AMMECR1: variants seen among roughly 807,000 people sequenced by gnomAD.
The protein encoded by AMMECR1 is AMMECR nuclear protein 1.
In AMMECR1, 3 loss-of-function variants were observed where a neutral mutation model predicts 22.5. That is an observed-to-expected ratio of 0.13 (90% CI 0.06 to 0.35). The LOEUF (loss-of-function observed/expected upper bound fraction) is 0.35, where lower values mean the gene tolerates loss of function less well. Among genes scored for constraint, AMMECR1 ranks in the 10% least tolerant of loss-of-function variants. The probability of loss-of-function intolerance (pLI) is 1.00; values close to 1 mark genes in which losing one functional copy is unlikely to be tolerated. For missense variants in AMMECR1, 235 were observed against 278.7 expected, an observed-to-expected ratio of 0.84 and a Z score of 1.12; for synonymous variants, 130 against 116.7, an observed-to-expected ratio of 1.11 and a Z score of -0.74.
chrX:110,363,321 T>C (rs1324477393), intron 2 of AMMECR1, among the ~76,000 whole-genome samples: 6 of 111,926 alleles, frequency 5.4e-5, no homozygotes, highest in African/African-American at 1.6e-4. Context: ...GGCCACCAAC[T>C]CTAGAATTAA....
intron 2 of AMMECR1, chrX:110,219,386 A>G (rs1027976377): frequency 2.7e-6 from 2 of 752,200 alleles, no homozygotes; most frequent in African/African-American, 4.6e-5. Flanking sequence ...TTTCATTTTA[A>G]AAATACACAT....
chrX:110,200,980 T>A lies in AMMECR1; in HGVS notation c.861A>T (p.Glu287Asp), dbSNP rs1160009207. 8.3e-7 allele frequency: 1 copy of A among 1,206,794 alleles called. No homozygotes were observed. Among genetic ancestry groups the A allele is most frequent in the Non-Finnish European group, 1.1e-6 (1 of 892,387 alleles). ...TGGTCAGTTTTATGGTTTTCCTGAA[T>A]TCATTAGTAATCGGAGCTTTGTATC... is the stretch of plus-strand genomic sequence containing the variant. ...KGGYKAPITNEFRKTIKLTRY... is the reference protein window; with the variant it reads ...KGGYKAPITNDFRKTIKLTRY... Residue 287 changes from glutamate (E) to aspartate (D), a missense_variant, in exon 5 of 6, where the codon GAA (glutamate) becomes GAT (aspartate). Transcript: ENST00000262844.
At chrX:110,271,244 C>A (rs180744504) in intron 1 of AMMECR1, among the ~76,000 whole-genome samples, 3 of 112,219 alleles carry the variant, frequency 2.7e-5, no homozygotes, top group Non-Finnish European at 5.6e-5. Flanking sequence ...GTATAGGAGA[C>A]CACAAATATC....
chrX:110,222,459 G>GA (rs1287826248), intron 2 of AMMECR1, among the ~76,000 whole-genome samples: 1 of 72,852 alleles, frequency 1.4e-5, no homozygotes, highest in Non-Finnish European at 2.5e-5. Context: ...GGTCGGGGGA[G>GA]GGGGGAGGGA....
At chrX:110,244,382 T>TTC (rs914189201) in intron 2 of AMMECR1, among the ~76,000 whole-genome samples, 1 of 111,652 alleles carries the variant, frequency 9.0e-6, no homozygotes, top group Non-Finnish European at 1.9e-5. Context: ...TCATATATAT[T>TTC]TCTCTGTCTC....
chrX:110,400,309 A>G (rs779061967), intron 2 of AMMECR1, among the ~76,000 whole-genome samples: 1 of 107,018 alleles, frequency 9.3e-6, no homozygotes, highest in Non-Finnish European at 1.9e-5. Flanking sequence ...TTATTTATCT[A>G]CCTATATTCA....
upstream of AMMECR1, among the ~76,000 whole-genome samples, chrX:110,319,851 C>A (rs900325292): frequency 7.1e-5 from 8 of 111,943 alleles, no homozygotes; most frequent in African/African-American, 2.3e-4. Context: ...TATATGATAA[C>A]AAGGCTAAGG....
chrX:110,313,702 GACCTAAAATCAT>G lies in AMMECR1; in HGVS notation c.473+3885_473+3896del, dbSNP rs1269367137. Among the ~76,000 whole-genome samples, 23 of 110,959 alleles carry G rather than the reference GACCTAAAATCAT, an allele frequency of 2.1e-4. No individual in the cohort carries two copies. In the East Asian group the frequency reaches 6.2e-3, roughly 30 times the overall value. ...TTACATTTAACAATTTCTGAAAAAG[GACCTAAAATCAT>G]ACCACAGGTTTCCAAGAGTCACCCT... On this transcript the variant is annotated intron_variant, in intron 1 of 5. Coordinates refer to ENST00000262844, the MANE Select transcript of AMMECR1 (RefSeq NM_015365.3).
chrX:110,272,207 C>A (rs2067802760), intron 1 of AMMECR1, among the ~76,000 whole-genome samples: 1 of 110,370 alleles, frequency 9.1e-6, no homozygotes, highest in African/African-American at 3.3e-5. Context: ...CAGAGCAAGA[C>A]TCCATCTCAA....
rs747846216 is a variant in AMMECR1, at chrX:110,317,855, G to T, written c.217C>A (p.Pro73Thr). 6.0e-6 allele frequency: 7 copies of T among 1,175,643 alleles called. No homozygotes were observed. Among genetic ancestry groups the T allele is most frequent in the Middle Eastern group, 4.8e-4 (2 of 4,179 alleles). ...CCGCCGCCGCCGCCGCAGCCCTGGGGGGGAGAGAGGGTACAGCCGCTGCCG... is the reference window on the plus strand; with the variant it reads ...CCGCCGCCGCCGCCGCAGCCCTGGGTGGGAGAGAGGGTACAGCCGCTGCCG... ...GSGSGCTLSP[P>T]QGCGGGGGGI... The change falls in exon 1 of 6, where the codon CCC (proline) becomes ACC (threonine). Residue 73 changes from proline (P) to threonine (T), a missense_variant. Coordinates refer to ENST00000262844, the MANE Select transcript of AMMECR1 (RefSeq NM_015365.3).
chrX:110,397,974 A>G (rs1380405209), intron 2 of AMMECR1, among the ~76,000 whole-genome samples: 1 of 112,277 alleles, frequency 8.9e-6, no homozygotes, highest in Non-Finnish European at 1.9e-5. Context: ...TGGAGCACGA[A>G]CCCGCTTCCT....
chrX:110,227,430 C>G (rs966932129), intron 2 of AMMECR1, among the ~76,000 whole-genome samples: 1 of 112,008 alleles, frequency 8.9e-6, no homozygotes, highest in Non-Finnish European at 1.9e-5. Flanking sequence ...TGAAGTCAAA[C>G]TTAAAGATGA....
At chrX:110,389,511 T>A (rs1248487618) in intron 2 of AMMECR1, among the ~76,000 whole-genome samples, 1 of 112,327 alleles carries the variant, frequency 8.9e-6, no homozygotes, top group Non-Finnish European at 1.9e-5. Flanking sequence ...CCTTTGCAAA[T>A]GGTAGCAGCC....
chrX:110,402,224 C>A (rs1040025000), intron 2 of AMMECR1, among the ~76,000 whole-genome samples: 7 of 113,131 alleles, frequency 6.2e-5, no homozygotes, highest in Non-Finnish European at 1.3e-4. Flanking sequence ...GCTGCCTTGG[C>A]AGCCCTACAT....
At chrX:110,301,715 A>G (rs1166647530) in intron 1 of AMMECR1, among the ~76,000 whole-genome samples, 1 of 111,505 alleles carries the variant, frequency 9.0e-6, no homozygotes, top group Non-Finnish European at 1.9e-5. Flanking sequence ...AGCTGGCACT[A>G]TAGGAAGCTT....
At chrX:110,277,471 G>T (rs2067831985) in intron 1 of AMMECR1, among the ~76,000 whole-genome samples, 1 of 110,554 alleles carries the variant, frequency 9.0e-6, no homozygotes, top group Non-Finnish European at 1.9e-5. Flanking sequence ...TAATGTAAAT[G>T]ACAAGTTAAT....
chrX:110,338,023 T>C (rs1453149321), intron 2 of AMMECR1, among the ~76,000 whole-genome samples: 1 of 111,655 alleles, frequency 9.0e-6, no homozygotes, highest in South Asian at 3.7e-4. Flanking sequence ...GTCAAAATCA[T>C]AGAGACAGAA....
At chrX:110,351,127 A>G (rs776760836) in intron 2 of AMMECR1, among the ~76,000 whole-genome samples, 1 of 112,454 alleles carries the variant, frequency 8.9e-6, no homozygotes, top group South Asian at 3.7e-4. Flanking sequence ...AAGAAATTCC[A>G]TGTTCGTGGT....
chrX:110,339,973 TACACACACACAC>T (rs35459612), intron 2 of AMMECR1, among the ~76,000 whole-genome samples: 20 of 78,796 alleles, frequency 2.5e-4, no homozygotes, highest in South Asian at 1.3e-3. Context: ...AGGCAAAACA[TACACACACACAC>T]ACACACACAC....
Sources: allele counts gnomAD v4.1 joint callset (sites outside exome capture counted in the v4.1 genomes callset), GRCh38; gene constraint gnomAD v4.1.1; transcripts MANE v1.5; gene names NCBI Gene and HGNC (gene_info 2026-07-23, HGNC 2026-07-21).